CAMK4: variants seen among roughly 807,000 people sequenced by gnomAD.
CAMK4 encodes calcium/calmodulin-dependent protein kinase type IV.
A neutral mutation model predicts 44.9 loss-of-function variants in CAMK4; 22 were observed. That is an observed-to-expected ratio of 0.49 (90% CI 0.35 to 0.70). The LOEUF is 0.70. CAMK4 is among the 30% of genes least tolerant of loss of function. The pLI, the probability that CAMK4 is intolerant of heterozygous loss-of-function variation, is 0.01. For missense variants in CAMK4, 498 were observed against 586.8 expected, an observed-to-expected ratio of 0.85 and a Z score of 1.56; for synonymous variants, 218 against 215.4, an observed-to-expected ratio of 1.01 and a Z score of -0.11.
At chr5:111,262,917 T>G (rs1459063961) in intron 1 of CAMK4, among the ~76,000 whole-genome samples, 1 of 152,240 alleles carries the variant, frequency 6.6e-6, no homozygotes, top group Non-Finnish European at 1.5e-5. Flanking sequence ...GATACTTTGG[T>G]TTGATTGGTT....
intron 2 of CAMK4, among the ~76,000 whole-genome samples, chr5:111,349,881 G>C (rs1235052607): frequency 6.6e-6 from 1 of 151,960 alleles, no homozygotes; most frequent in African/African-American, 2.4e-5. Context: ...TTCTAACTAT[G>C]TAGCTCAACT....
rs187553491 is a variant in CAMK4, at chr5:111,482,369, A to G, written c.829-416A>G. On this transcript the variant is annotated intron_variant, in intron 9 of 10. Transcript: ENST00000282356. This position sits in a 1 kb window ranked among gnomAD's most constrained non-coding sequence, Gnocchi z 4.9. The stretch of plus-strand genomic sequence containing the variant: ...CCCTTTTGTTTGCCATTTAATCCCC[A>G]CAGAAAGAATGATGATGCATGAATG... 9.9e-4 allele frequency: 153 copies of G among 154,092 alleles called. No individual in the cohort carries two copies. The highest frequency in any genetic ancestry group is 1.6e-3 in the Admixed American group (25 of 15,342). The allele number at this position is 154,092 out of a possible 1,614,324, so 9.5% of individuals were successfully genotyped here. A position where few individuals can be genotyped will look rare whatever the true frequency, so the allele number is the denominator to read the frequency against.
At chr5:111,399,305 C>A (rs927381336) in intron 5 of CAMK4, among the ~76,000 whole-genome samples, 3 of 152,190 alleles carry the variant, frequency 2.0e-5, no homozygotes, top group African/African-American at 7.2e-5. Context: ...CTACTTCTTT[C>A]AGGTCTCTGC....
At chr5:111,247,177 G>A (rs922618698) in intron 1 of CAMK4, among the ~76,000 whole-genome samples, 1 of 151,364 alleles carries the variant, frequency 6.6e-6, no homozygotes, top group African/African-American at 2.4e-5. Context: ...TATAGTATAT[G>A]TATGTATGTA....
chr5:111,355,757 G>A, intron 2 of CAMK4, among the ~76,000 whole-genome samples: 1 of 150,720 alleles, frequency 6.6e-6, no homozygotes, highest in Non-Finnish European at 1.5e-5. Flanking sequence ...GTGGTGTTTG[G>A]TTTTTTGTCC....
At chr5:111,326,573 C>A (rs905416969) in intron 1 of CAMK4, among the ~76,000 whole-genome samples, 5 of 150,800 alleles carry the variant, frequency 3.3e-5, no homozygotes, top group African/African-American at 1.2e-4. Context: ...AAAAAAAAAT[C>A]TTCCACCTTT....
intron 8 of CAMK4, 62 bp downstream of exon 8, chr5:111,473,448 C>G (rs1755134663): frequency 2.0e-6 from 2 of 1,011,334 alleles, no homozygotes; most frequent in East Asian, 4.8e-5. Flanking sequence ...TTTCTAGATA[C>G]CTCTAATGCT....
intron 1 of CAMK4, among the ~76,000 whole-genome samples, chr5:111,320,529 A>T (rs766604882): frequency 6.6e-6 from 1 of 152,112 alleles, no homozygotes; most frequent in Non-Finnish European, 1.5e-5. Flanking sequence ...TGCTTTTGAG[A>T]TGGAGTTTCG....
chr5:111,394,660 T>C, intron 4 of CAMK4, 50 bp from the exon 5 acceptor site: 1 of 1,223,044 alleles, frequency 8.2e-7, no homozygotes, highest in Non-Finnish European at 1.2e-6. Flanking sequence ...TTAATATCCA[T>C]TCTTCTGAAT....
chr5:111,283,492 A>G (rs1751107464), intron 1 of CAMK4, among the ~76,000 whole-genome samples: 1 of 152,214 alleles, frequency 6.6e-6, no homozygotes, highest in African/African-American at 2.4e-5. Flanking sequence ...TCTTTAAAGA[A>G]TGCTCCACTA....
At chr5:111,375,470 T>G (rs1751179662) in intron 3 of CAMK4, among the ~76,000 whole-genome samples, 2 of 152,162 alleles carry the variant, frequency 1.3e-5, no homozygotes, top group South Asian at 4.1e-4. Flanking sequence ...TGAAAAAGAA[T>G]AAAATTATTT....
chr5:111,246,850 G>A (rs1167624258), intron 1 of CAMK4, among the ~76,000 whole-genome samples: 1 of 152,192 alleles, frequency 6.6e-6, no homozygotes. Context: ...ACTTTTGTGA[G>A]TGTGTGTGCA....
At chr5:111,235,202 C>T (rs1207197850) in intron 1 of CAMK4, among the ~76,000 whole-genome samples, 1 of 152,160 alleles carries the variant, frequency 6.6e-6, no homozygotes, top group African/African-American at 2.4e-5. Flanking sequence ...CTAACAGACA[C>T]ACAAAGTTGT....
Position 111,407,845 on chromosome 5 carries a change from G to A in CAMK4, c.459+13063G>A, listed in dbSNP as rs979763047. Among the ~76,000 whole-genome samples, 6 of 152,278 alleles carry A rather than the reference G, an allele frequency of 3.9e-5. No homozygotes were observed. In the South Asian group the frequency reaches 6.2e-4, roughly 16 times the overall value. On this transcript the variant is annotated intron_variant, in intron 5 of 10. Coordinates refer to ENST00000282356, the MANE Select transcript of CAMK4 (RefSeq NM_001744.6). ...GAAGGGCTTAAGAAAGAATGACTAG[G>A]CTGGGCATGGTGGTTTATGCCTGTA... is the stretch of plus-strand genomic sequence containing the variant.
chr5:111,465,153 C>A (rs747941048), intron 7 of CAMK4, among the ~76,000 whole-genome samples: 1 of 151,984 alleles, frequency 6.6e-6, no homozygotes, highest in Admixed American at 6.6e-5. Flanking sequence ...TTCTCTCTGG[C>A]CTACTAATGA....
intron 5 of CAMK4, among the ~76,000 whole-genome samples, chr5:111,407,857 G>T (rs1752494009): frequency 6.6e-6 from 1 of 152,138 alleles, no homozygotes; most frequent in Non-Finnish European, 1.5e-5. Context: ...TGGGCATGGT[G>T]GTTTATGCCT....
At chr5:111,330,067 A>T (rs1409187181) in intron 1 of CAMK4, among the ~76,000 whole-genome samples, 12 of 148,946 alleles carry the variant, frequency 8.1e-5, no homozygotes, top group Non-Finnish European at 1.5e-5. Context: ...TTTTGGTAGA[A>T]GTCCTCAGAA....
At chr5:111,421,733 A>G (rs1235109202) in intron 5 of CAMK4, among the ~76,000 whole-genome samples, 2 of 152,104 alleles carry the variant, frequency 1.3e-5, no homozygotes, top group African/African-American at 4.8e-5. Flanking sequence ...GATTATGTTG[A>G]AAGACATTGA....
At chr5:111,324,138 T>C (rs1432948257) in intron 1 of CAMK4, among the ~76,000 whole-genome samples, 1 of 151,834 alleles carries the variant, frequency 6.6e-6, no homozygotes, top group African/African-American at 2.4e-5. Flanking sequence ...AATAATAAAA[T>C]AATCCAAATG....
Sources: gnomAD v4.1 joint callset for allele counts (sites outside exome capture counted in the v4.1 genomes callset) on GRCh38, gnomAD v4.1.1 for gene constraint, Gnocchi (gnomAD v3.1) non-coding constraint, MANE v1.5 for transcripts, NCBI Gene and HGNC (gene_info 2026-07-23, HGNC 2026-07-21) for gene names.